Variants in SPOCK3 observed in about 807,000 individuals in gnomAD.
SPOCK3 encodes the protein testican-3.
A neutral mutation model predicts 56.6 loss-of-function variants in SPOCK3; 30 were observed. The observed-to-expected ratio is 0.53, with a 90% confidence interval of 0.40 to 0.72. The LOEUF is 0.72. SPOCK3 is among the 30% of genes least tolerant of loss of function. The probability of loss-of-function intolerance (pLI) is 0.00; values close to 1 mark genes in which losing one functional copy is unlikely to be tolerated. For synonymous variants in SPOCK3, 196 were observed against 183.3 expected (o/e 1.07, Z -0.56); for missense variants, 527 against 530.0 (o/e 0.99, Z 0.06).
chr4:167,052,461 T>C (rs1301099463), intron 3 of SPOCK3, among the ~76,000 whole-genome samples: 2 of 152,166 alleles, frequency 1.3e-5, no homozygotes, highest in Non-Finnish European at 2.9e-5. Flanking sequence ...ACAGGGAACT[T>C]GTCCAAAAAT....
chr4:166,740,925 T>C (rs1734779099), intron 9 of SPOCK3, among the ~76,000 whole-genome samples: 1 of 152,166 alleles, frequency 6.6e-6, no homozygotes, highest in Non-Finnish European at 1.5e-5. Context: ...TCAGTAATTT[T>C]CACACCTAAA....
intron 3 of SPOCK3, among the ~76,000 whole-genome samples, chr4:167,014,832 T>G (rs1172363955): frequency 6.6e-6 from 1 of 151,980 alleles, no homozygotes; most frequent in Non-Finnish European, 1.5e-5. Context: ...AGGATGGAGA[T>G]GGTGAGAGAA....
intron 2 of SPOCK3, among the ~76,000 whole-genome samples, chr4:167,203,939 A>G (rs1373724081): frequency 1.3e-5 from 2 of 152,038 alleles, no homozygotes; most frequent in African/African-American, 4.8e-5. Flanking sequence ...ATATTCTAAC[A>G]TTTCTGTAGC....
At chr4:167,040,280 G>A (rs1419932401) in intron 3 of SPOCK3, among the ~76,000 whole-genome samples, 2 of 152,258 alleles carry the variant, frequency 1.3e-5, no homozygotes, top group Non-Finnish European at 2.9e-5. Context: ...TCAGAATATA[G>A]GATAGTGGGA....
At chr4:166,884,027 G>A (rs1015722232) in intron 6 of SPOCK3, among the ~76,000 whole-genome samples, 1 of 152,078 alleles carries the variant, frequency 6.6e-6, no homozygotes, top group Non-Finnish European at 1.5e-5. Context: ...TCAAGAAGCA[G>A]TATATAACTA....
At chr4:166,930,086 T>G (rs1051352339) in intron 4 of SPOCK3, among the ~76,000 whole-genome samples, 1 of 152,152 alleles carries the variant, frequency 6.6e-6, no homozygotes, top group Non-Finnish European at 1.5e-5. Flanking sequence ...GACTCCTTAA[T>G]TCTATATACT....
At chr4:166,803,036 C>T (rs1359638932) in intron 6 of SPOCK3, among the ~76,000 whole-genome samples, 1 of 152,072 alleles carries the variant, frequency 6.6e-6, no homozygotes, top group Non-Finnish European at 1.5e-5. Flanking sequence ...TCCAATTGCT[C>T]TCTGACAAAT....
chr4:166,960,853 G>A (rs1489502841), intron 4 of SPOCK3, among the ~76,000 whole-genome samples: 1 of 150,698 alleles, frequency 6.6e-6, no homozygotes, highest in East Asian at 1.9e-4. Context: ...AGGGAACTGG[G>A]AACTGAATAG....
At chr4:166,905,092 A>C (rs1448747131) in intron 5 of SPOCK3, among the ~76,000 whole-genome samples, 2 of 151,768 alleles carry the variant, frequency 1.3e-5, no homozygotes, top group Non-Finnish European at 2.9e-5. Flanking sequence ...AAGTCTTGTA[A>C]TTTTTTTTAA....
chr4:167,009,616 C>T (rs1364704247), intron 3 of SPOCK3, among the ~76,000 whole-genome samples: 1 of 151,810 alleles, frequency 6.6e-6, no homozygotes, highest in South Asian at 2.1e-4. Flanking sequence ...GCATACAGAA[C>T]CCTCACAATA....
intron 4 of SPOCK3, among the ~76,000 whole-genome samples, chr4:166,939,664 T>C (rs566101518): frequency 6.6e-6 from 1 of 152,216 alleles, no homozygotes; most frequent in Non-Finnish European, 1.5e-5. Flanking sequence ...TAATACATAG[T>C]AGGAGCTCAT....
At chr4:167,061,793 C>A (rs1755635021) in intron 3 of SPOCK3, among the ~76,000 whole-genome samples, 1 of 151,794 alleles carries the variant, frequency 6.6e-6, no homozygotes, top group African/African-American at 2.4e-5. Flanking sequence ...GCAGAGACTA[C>A]AGAAAGTTAC....
chr4:167,091,014 A>G (rs536870184), intron 2 of SPOCK3, among the ~76,000 whole-genome samples: 1 of 152,196 alleles, frequency 6.6e-6, no homozygotes, highest in Non-Finnish European at 1.5e-5. Context: ...ATTATAATCA[A>G]ATAAAAATAT....
rs531007825 is a variant in SPOCK3, at chr4:166,974,797, T to C, written c.350+25552A>G. ...TATTTTGTCTACAGACATGGTTTTG[T>C]TATTATCATTCAGTTAGAAATCTTT... On this transcript the variant is annotated intron_variant, in intron 4 of 10. Coordinates refer to ENST00000357545, the MANE Select transcript of SPOCK3 (RefSeq NM_001040159.2). Among the ~76,000 whole-genome samples, 182 of 152,362 alleles carry C rather than the reference T, an allele frequency of 1.2e-3. 2 individuals carry two copies. The highest frequency in any genetic ancestry group is 4.3e-3 in the African/African-American group (178 of 41,586).
intron 4 of SPOCK3, among the ~76,000 whole-genome samples, chr4:166,924,377 A>G (rs1738833846): frequency 6.6e-6 from 1 of 152,226 alleles, no homozygotes; most frequent in Admixed American, 6.5e-5. Context: ...TGAAAGAGTA[A>G]TTTATAAAGG....
intron 7 of SPOCK3, among the ~76,000 whole-genome samples, chr4:166,771,310 C>T (rs561941460): frequency 5.3e-5 from 8 of 151,990 alleles, no homozygotes; most frequent in African/African-American, 1.9e-4. Flanking sequence ...ATCCTGATGA[C>T]TCTTGTAACA....
intron 2 of SPOCK3, among the ~76,000 whole-genome samples, chr4:167,161,960 C>A (rs1204320812): frequency 6.6e-6 from 1 of 151,888 alleles, no homozygotes; most frequent in Non-Finnish European, 1.5e-5. Context: ...TTAATAGGTG[C>A]AGCACACCAA....
chr4:167,021,136 ACTTAAT>A (rs986433989), intron 3 of SPOCK3, among the ~76,000 whole-genome samples: 12 of 152,150 alleles, frequency 7.9e-5, no homozygotes, highest in African/African-American at 2.9e-4. Flanking sequence ...CCTTGAAAAA[ACTTAAT>A]CTTAAAATAA....
intron 4 of SPOCK3, among the ~76,000 whole-genome samples, chr4:166,951,995 T>A (rs1474025101): frequency 6.6e-6 from 1 of 152,096 alleles, no homozygotes; most frequent in Non-Finnish European, 1.5e-5. Context: ...GGGCAAAAAC[T>A]GGAAGCATTC....
Sources: gnomAD v4.1 joint callset for allele counts (sites outside exome capture counted in the v4.1 genomes callset) on GRCh38, gnomAD v4.1.1 for gene constraint, MANE v1.5 for transcripts, NCBI Gene and HGNC (gene_info 2026-07-23, HGNC 2026-07-21) for gene names.